Variants in PDE4D observed in about 807,000 individuals in gnomAD.
PDE4D encodes the protein phosphodiesterase 4D, also known as 3',5'-cyclic-AMP phosphodiesterase 4D.
Under a neutral mutation model 87.4 loss-of-function variants are expected in PDE4D, and 24 were observed. The observed-to-expected ratio is 0.27, with a 90% CI of 0.20 to 0.39. The LOEUF (loss-of-function observed/expected upper bound fraction) is 0.39. Among genes scored for constraint, PDE4D ranks in the 10% least tolerant of loss-of-function variants. The pLI, the probability that PDE4D is intolerant of heterozygous loss-of-function variation, is 1.00. For synonymous variants in PDE4D, 384 were observed against 383.2 expected, an observed-to-expected ratio of 1.00 and a Z score of -0.02; for missense variants, 714 against 1,041.0, an observed-to-expected ratio of 0.69 and a Z score of 4.32.
intron 2 of PDE4D, among the ~76,000 whole-genome samples, chr5:60,038,021 C>A (rs1447358676): frequency 6.6e-6 from 1 of 151,968 alleles, no homozygotes. Flanking sequence ...TGGTTAAATC[C>A]ATTAAAAAAT....
At chr5:59,484,221 A>G (rs1804729429) in intron 1 of PDE4D, among the ~76,000 whole-genome samples, 1 of 152,202 alleles carries the variant, frequency 6.6e-6, no homozygotes, top group Non-Finnish European at 1.5e-5. Flanking sequence ...AGTCAAAACT[A>G]TGGTTTTTGA....
chr5:59,849,704 G>C (rs986771412), intron 1 of PDE4D, among the ~76,000 whole-genome samples: 1 of 151,362 alleles, frequency 6.6e-6, no homozygotes, highest in African/African-American at 2.4e-5. Flanking sequence ...TATTGTTTTT[G>C]TCCCTTATTT....
At chr5:59,530,304 C>G (rs889679431) in intron 1 of PDE4D, among the ~76,000 whole-genome samples, 16 of 152,078 alleles carry the variant, frequency 1.1e-4, no homozygotes, top group South Asian at 8.3e-4. Context: ...TTTTTTCCCC[C>G]AGGTACTTAA....
chr5:60,459,838 T>C (rs909123343), intron 1 of PDE4D: 33 of 581,272 alleles, frequency 5.7e-5, no homozygotes, highest in Admixed American at 6.1e-5. Context: ...TTGGAACCTA[T>C]CAGTGTTCTA....
chr5:60,088,120 T>C (rs1463606933), intron 2 of PDE4D, among the ~76,000 whole-genome samples: 1 of 151,564 alleles, frequency 6.6e-6, no homozygotes, highest in Non-Finnish European at 1.5e-5. Flanking sequence ...AGGAAACAAA[T>C]ACAAAAAGCC....
At chr5:59,374,776 T>C (rs1254039833) in intron 1 of PDE4D, among the ~76,000 whole-genome samples, 1 of 151,804 alleles carries the variant, frequency 6.6e-6, no homozygotes. Flanking sequence ...TAATCAGAAG[T>C]AAAACACTAC....
chr5:60,019,309 A>AT (rs1765811607), intron 2 of PDE4D, among the ~76,000 whole-genome samples: 1 of 152,198 alleles, frequency 6.6e-6, no homozygotes, highest in South Asian at 2.1e-4. Flanking sequence ...GAGCCCTAGG[A>AT]TTTTTGAAAT....
At chr5:59,445,374 C>A (rs1280030940) in intron 1 of PDE4D, among the ~76,000 whole-genome samples, 1 of 152,162 alleles carries the variant, frequency 6.6e-6, no homozygotes, top group Non-Finnish European at 1.5e-5. Context: ...ATATATTGTT[C>A]ATCTGGCTTA....
chr5:59,040,733 AAAG>A (rs1759541948), intron 5 of PDE4D, among the ~76,000 whole-genome samples: 1 of 152,222 alleles, frequency 6.6e-6, no homozygotes, highest in Middle Eastern at 3.2e-3. Context: ...TGTCGAGTGG[AAAG>A]AAGATACTGA....
chr5:59,069,195 C>T (rs1461604715), intron 5 of PDE4D, among the ~76,000 whole-genome samples: 1 of 152,138 alleles, frequency 6.6e-6, no homozygotes, highest in African/African-American at 2.4e-5. Flanking sequence ...CATCTTCCTC[C>T]TTATACCTCT....
At chr5:60,458,952 C>T (rs993030360) in intron 1 of PDE4D, among the ~76,000 whole-genome samples, 2 of 151,758 alleles carry the variant, frequency 1.3e-5, no homozygotes, top group African/African-American at 2.4e-5. Flanking sequence ...GGACAACTAA[C>T]TAAAGTGGTG....
At chr5:59,623,989 A>G (rs971992432) in intron 1 of PDE4D, among the ~76,000 whole-genome samples, 4 of 150,040 alleles carry the variant, frequency 2.7e-5, no homozygotes, top group African/African-American at 5.0e-5. Context: ...TATCATAAAT[A>G]TTATTTGGCC....
chr5:60,280,814 A>G (rs934908102), intron 1 of PDE4D, among the ~76,000 whole-genome samples: 1 of 152,312 alleles, frequency 6.6e-6, no homozygotes, highest in East Asian at 1.9e-4. Context: ...GGCTCTATAA[A>G]TGTTAATTAT....
intron 1 of PDE4D, among the ~76,000 whole-genome samples, chr5:59,375,075 A>G (rs1204144937): frequency 6.6e-6 from 1 of 152,144 alleles, no homozygotes; most frequent in East Asian, 1.9e-4. Flanking sequence ...GCCCAAATCA[A>G]AAAGTTAGAA....
At chr5:59,020,480 T>TA (rs564551539) in intron 6 of PDE4D, among the ~76,000 whole-genome samples, 26,117 of 145,016 alleles carry the variant, frequency 0.18, 2,635 homozygotes, top group South Asian at 0.24. Flanking sequence ...CTCAGAAAAT[T>TA]AAAAAAAAAA....
At chr5:59,471,266 C>T (rs573139064) in intron 1 of PDE4D, among the ~76,000 whole-genome samples, 16 of 152,122 alleles carry the variant, frequency 1.1e-4, no homozygotes, top group African/African-American at 3.6e-4. Flanking sequence ...GAAAAAGACA[C>T]TAAATGGAAT....
At chr5:59,545,732 T>A (rs1006252177) in intron 1 of PDE4D, among the ~76,000 whole-genome samples, 4 of 152,236 alleles carry the variant, frequency 2.6e-5, no homozygotes, top group Non-Finnish European at 5.9e-5. Context: ...TGAAAAATTC[T>A]AGTTTGCCCC....
At chr5:59,459,140 C>T (rs996436293) in intron 1 of PDE4D, among the ~76,000 whole-genome samples, 1 of 152,116 alleles carries the variant, frequency 6.6e-6, no homozygotes, top group African/African-American at 2.4e-5. Context: ...AACATTTACT[C>T]CATTTCTAAG....
rs113296335 is a variant in PDE4D at position 60,060,836 on chromosome 5, T to G, written c.43-72119A>C. On this transcript the variant is annotated intron_variant, in intron 2 of 16. Transcript: ENST00000502484. ...CCATGTAATCTTAGAATTTGGTAAT[T>G]GGTATCTCGATAGATGCAGAAAAGA... Among the ~76,000 whole-genome samples, 1,171 of 151,754 alleles carry G rather than the reference T, an allele frequency of 7.7e-3. 13 individuals are homozygous for G. The highest frequency in any genetic ancestry group is 0.027 in the African/African-American group (1,115 of 41,496).
Sources: allele counts gnomAD v4.1 joint callset (sites outside exome capture counted in the v4.1 genomes callset), GRCh38; gene constraint gnomAD v4.1.1; transcripts MANE v1.5; gene names NCBI Gene and HGNC (gene_info 2026-07-23, HGNC 2026-07-21).